Variants in SCUBE1 observed in about 807,000 individuals in gnomAD.
The protein encoded by SCUBE1 is signal peptide, CUB and EGF-like domain-containing protein 1.
In SCUBE1, 59 loss-of-function variants were observed where a neutral mutation model predicts 124.4. The observed-to-expected ratio is 0.47, with a 90% CI of 0.38 to 0.59. SCUBE1 has a LOEUF of 0.59. Ranked by LOEUF, SCUBE1 falls within the 20% of genes least tolerant of loss-of-function variation. SCUBE1 has a pLI of 0.00. For missense variants in SCUBE1, 1,150 were observed against 1,371.2 expected (o/e 0.84, Z 2.55); for synonymous variants, 545 against 550.9 (o/e 0.99, Z 0.15).
chr22:43,248,734 CG>C (rs1387599755), intron 6 of SCUBE1, among the ~76,000 whole-genome samples: 4 of 152,200 alleles, frequency 2.6e-5, no homozygotes, highest in African/African-American at 9.6e-5. Flanking sequence ...GCCTGGGGAG[CG>C]GCCCTGTGAT....
At chr22:43,304,001 G>C (rs923433486) in intron 3 of SCUBE1, among the ~76,000 whole-genome samples, 21 of 152,170 alleles carry the variant, frequency 1.4e-4, no homozygotes, top group Non-Finnish European at 2.4e-4. Flanking sequence ...CCTCTTCCAT[G>C]CCCTCGTGCA....
chr22:43,294,846 G>T (rs1925499058), intron 3 of SCUBE1, among the ~76,000 whole-genome samples: 1 of 152,202 alleles, frequency 6.6e-6, no homozygotes, highest in Non-Finnish European at 1.5e-5. Flanking sequence ...ACACAGAGGT[G>T]AGCGTTGAGG....
Position 43,259,461 on chromosome 22 carries a change from C to T in SCUBE1, c.611-1126G>A, listed in dbSNP as rs545969185. ...AAATCCTGAGAATTTGAATGAATTACGTTCTATTCGGTTGACCCCTGAGCA... is the reference window on the plus strand; with the variant it reads ...AAATCCTGAGAATTTGAATGAATTATGTTCTATTCGGTTGACCCCTGAGCA... On this transcript the variant is annotated intron_variant, in intron 5 of 21. Coordinates refer to ENST00000360835, the MANE Select transcript of SCUBE1 (RefSeq NM_173050.5). 1.0e-3 allele frequency among the ~76,000 whole-genome samples: 157 copies of T among 152,290 alleles called. 1 individual carries two copies. Among genetic ancestry groups the T allele is most frequent in the Admixed American group, 3.0e-3 (46 of 15,296 alleles).
chr22:43,335,355 G>A (rs76829187), intron 2 of SCUBE1, among the ~76,000 whole-genome samples: 148 of 152,310 alleles, frequency 9.7e-4, no homozygotes, highest in African/African-American at 3.2e-3. Flanking sequence ...ATGACTGTAA[G>A]TAGGTCCCCA....
intron 4 of SCUBE1, among the ~76,000 whole-genome samples, chr22:43,286,029 C>A (rs890094267): frequency 6.6e-6 from 1 of 152,180 alleles, no homozygotes; most frequent in Non-Finnish European, 1.5e-5. Context: ...TGGCACGTGT[C>A]AGCAGAGCCT....
chr22:43,261,270 G>A (rs984562934), intron 5 of SCUBE1, among the ~76,000 whole-genome samples: 11 of 152,234 alleles, frequency 7.2e-5, no homozygotes, highest in Non-Finnish European at 1.6e-4. Context: ...TGGAGCCCTG[G>A]GGCTGGAGGC....
chr22:43,292,657 C>G (rs564865680), intron 3 of SCUBE1, among the ~76,000 whole-genome samples: 2 of 150,946 alleles, frequency 1.3e-5, no homozygotes, highest in Non-Finnish European at 2.9e-5. Context: ...ACTATTGGAA[C>G]CAAAAGGATG....
chr22:43,321,573 G>A (rs924649495), intron 2 of SCUBE1, among the ~76,000 whole-genome samples: 3 of 151,546 alleles, frequency 2.0e-5, no homozygotes, highest in Non-Finnish European at 4.4e-5. Context: ...GGGCTGTGCA[G>A]CCACTCTTGG....
intron 3 of SCUBE1, among the ~76,000 whole-genome samples, chr22:43,313,834 C>T (rs896667969): frequency 6.6e-6 from 1 of 152,232 alleles, no homozygotes; most frequent in Non-Finnish European, 1.5e-5. Context: ...ACTATGAAAA[C>T]TTAGGCAAGA....
chr22:43,221,028 C>A, intron 13 of SCUBE1, 145 bp downstream of exon 13: 1 of 630,828 alleles, frequency 1.6e-6, no homozygotes, highest in Middle Eastern at 4.4e-4. Context: ...TCCTTGGAAA[C>A]TCTCATTCAA....
At chr22:43,303,160 G>A (rs1452659755) in intron 3 of SCUBE1, among the ~76,000 whole-genome samples, 1 of 152,248 alleles carries the variant, frequency 6.6e-6, no homozygotes, top group Non-Finnish European at 1.5e-5. Context: ...GTGGAAGTCC[G>A]CATTTTCTTC....
At chr22:43,331,173 A>T (rs1175020273) in intron 2 of SCUBE1, among the ~76,000 whole-genome samples, 1 of 152,228 alleles carries the variant, frequency 6.6e-6, no homozygotes. Context: ...AAACATTTTA[A>T]TAACATGCTC....
chr22:43,204,218 C>A (rs1158116223), intron 21 of SCUBE1, 69 bp from the exon 22 acceptor site: 1 of 1,455,520 alleles, frequency 6.9e-7, no homozygotes, highest in African/African-American at 1.4e-5. Context: ...TGTTGCCAGG[C>A]TGGGGGAGGG....
rs1263006443 is a variant in SCUBE1, at chr22:43,202,700, G to C, written c.*1297C>G. The C allele has an allele frequency of 6.6e-6, 1 of 152,250 alleles. No homozygotes were observed. The highest frequency in any genetic ancestry group is 1.9e-4 in the East Asian group (1 of 5,190). The allele number at this position is 152,250 out of a possible 1,614,324, so 9.4% of individuals were successfully genotyped here. ...TTGTAAGTTTCCTGAGGCCTCCCAA[G>C]CCATGTGGAAATGTGAGTCAATTCA... is the stretch of plus-strand genomic sequence containing the variant. On this transcript the variant is annotated 3_prime_UTR_variant, in exon 22 of 22. Transcript: ENST00000360835.
At position 43,223,232 on chromosome 22, in the gene SCUBE1, C is replaced by T. The variant is rs372164330; in HGVS notation, c.1208-16G>A. Reference sequence around the variant, plus strand: ...TTGCCTGTCTCTATGAAGGGAGATACGAGAGAGGGCTGAGAGAGGCCAGGG... The same window carrying T: ...TTGCCTGTCTCTATGAAGGGAGATATGAGAGAGGGCTGAGAGAGGCCAGGG... On this transcript the variant is annotated splice_polypyrimidine_tract_variant and intron_variant, in intron 10 of 21. Coordinates refer to ENST00000360835, the MANE Select transcript of SCUBE1 (RefSeq NM_173050.5). The T allele has an allele frequency of 1.9e-5, 30 of 1,562,254 alleles. No homozygotes were observed. Among genetic ancestry groups the T allele is most frequent in the South Asian group, 2.4e-5 (2 of 82,270 alleles).
At position 43,255,020 on chromosome 22, in the gene SCUBE1, G is replaced by C. The variant is rs1442831443; in HGVS notation, c.727+3199C>G. 1.3e-5 allele frequency among the ~76,000 whole-genome samples: 2 copies of C among 152,204 alleles called. No homozygotes were observed. The highest frequency in any genetic ancestry group is 4.8e-5 in the African/African-American group (2 of 41,440). ...CCCTCCCAGGAGTGGAGATGGGTAA[G>C]GACTCTCCTGCCCTGACCCGTCTAC... On this transcript the variant is annotated intron_variant, in intron 6 of 21. Coordinates refer to ENST00000360835, the MANE Select transcript of SCUBE1 (RefSeq NM_173050.5). This position sits in a 1 kb window ranked among gnomAD's most constrained non-coding sequence, Gnocchi z 4.7.
rs734768 is a variant in SCUBE1, at chr22:43,220,044, A to T, written c.1687+406T>A. Among the ~76,000 whole-genome samples, 928 of 152,330 alleles carry T rather than the reference A, an allele frequency of 6.1e-3. 6 individuals are homozygous for T. The highest frequency in any genetic ancestry group is 0.01 in the Non-Finnish European group (711 of 68,020). Reference sequence around the variant, plus strand: ...AGGTTGACACTCACATATAGCCAAGAGCAAAGTGCTGCTGTGACACCCGAG... The same window carrying T: ...AGGTTGACACTCACATATAGCCAAGTGCAAAGTGCTGCTGTGACACCCGAG... On this transcript the variant is annotated intron_variant, in intron 14 of 21. Transcript: ENST00000360835.
chr22:43,324,495 C>T (rs1385972819), intron 2 of SCUBE1, among the ~76,000 whole-genome samples: 1 of 152,204 alleles, frequency 6.6e-6, no homozygotes, highest in African/African-American at 2.4e-5. Flanking sequence ...AGGACATTGG[C>T]TCCTAAACCA....
chr22:43,198,246 T>C lies in SCUBE1; in HGVS notation c.*5751A>G, dbSNP rs2146638850. ...ACCTTTCCCTTCTTCCTGTTGGGGCTTGGGGGGTGCAGACAATTCCAGGGG... is the reference window on the plus strand; with the variant it reads ...ACCTTTCCCTTCTTCCTGTTGGGGCCTGGGGGGTGCAGACAATTCCAGGGG... On this transcript the variant is annotated 3_prime_UTR_variant, in exon 22 of 22. Coordinates refer to ENST00000360835, the MANE Select transcript of SCUBE1 (RefSeq NM_173050.5). 4 of 293,654 alleles carry C rather than the reference T, an allele frequency of 1.4e-5. No homozygotes were observed. Among genetic ancestry groups the C allele is most frequent in the South Asian group, 1.2e-4 (4 of 32,790 alleles). 18.2% of individuals were successfully genotyped at this position (293,654 alleles called of 1,614,324 possible).
Sources: allele counts gnomAD v4.1 joint callset (sites outside exome capture counted in the v4.1 genomes callset), GRCh38; gene constraint gnomAD v4.1.1; non-coding constraint Gnocchi (gnomAD v3.1); transcripts MANE v1.5; gene names NCBI Gene and HGNC (gene_info 2026-07-23, HGNC 2026-07-21).